Variants in CACNA1A observed in about 807,000 individuals in gnomAD.
CACNA1A encodes the protein voltage-dependent P/Q-type calcium channel subunit alpha-1A.
Under a neutral mutation model 262.4 loss-of-function variants are expected in CACNA1A, and 57 were observed. The ratio of observed to expected loss-of-function variants is 0.22; its 90% confidence interval spans 0.18 to 0.27. The LOEUF (loss-of-function observed/expected upper bound fraction) is 0.27, where lower values mean the gene tolerates loss of function less well. CACNA1A is among the 10% of genes least tolerant of loss of function. CACNA1A has a pLI of 1.00. For synonymous variants in CACNA1A, 1,431 were observed against 1,419.3 expected, an observed-to-expected ratio of 1.01 and a Z score of -0.18; for missense variants, 2,526 against 3,562.8, an observed-to-expected ratio of 0.71 and a Z score of 7.41.
At chr19:13,210,011 G>A (rs1045527737) in intron 44 of CACNA1A, among the ~76,000 whole-genome samples, 5 of 152,122 alleles carry the variant, frequency 3.3e-5, no homozygotes, top group Non-Finnish European at 5.9e-5. Flanking sequence ...CCCGGCTAAC[G>A]GGGCTGTGCT....
rs374974268 is a variant in CACNA1A at position 13,283,218 on chromosome 19, C to T, written c.3822+49G>A. The T allele has an allele frequency of 3.8e-6, 6 of 1,598,244 alleles. No homozygotes were observed. In the African/African-American group the frequency reaches 6.7e-5, roughly 18 times the overall value. The stretch of plus-strand genomic sequence containing the variant: ...CATTTTGGATGCAGGAGAAAGTGGC[C>T]TGAGGCAGAGCAGCCAGGCTAGGAA... On this transcript the variant is annotated intron_variant, in intron 22 of 46. Coordinates refer to ENST00000360228, the MANE Select transcript of CACNA1A (RefSeq NM_001127222.2).
intron 3 of CACNA1A, 79 bp from the exon 4 acceptor site, chr19:13,371,858 C>T: frequency 9.7e-7 from 1 of 1,031,422 alleles, no homozygotes; most frequent in South Asian, 1.4e-5. Flanking sequence ...CTTGGGATTC[C>T]AAGCTGTCCT....
intron 3 of CACNA1A, among the ~76,000 whole-genome samples, chr19:13,398,166 G>A (rs1397551611): frequency 6.6e-6 from 1 of 151,920 alleles, no homozygotes; most frequent in African/African-American, 2.4e-5. Context: ...GGGAGGCTGA[G>A]TCAGGAGAAT....
chr19:13,367,498 C>T (rs530006394), intron 4 of CACNA1A, among the ~76,000 whole-genome samples: 26 of 151,844 alleles, frequency 1.7e-4, no homozygotes, highest in African/African-American at 5.6e-4. Flanking sequence ...GAGGCCGAGG[C>T]GGGCAGATCA....
chr19:13,212,266 A>G lies in CACNA1A; in HGVS notation c.6190-50T>C. 1 of 1,586,594 alleles carries G rather than the reference A, an allele frequency of 6.3e-7. No homozygotes were observed. The highest frequency in any genetic ancestry group is 8.6e-7 in the Non-Finnish European group (1 of 1,156,586). On this transcript the variant is annotated intron_variant, in intron 42 of 46. Transcript: ENST00000360228. This position sits in a 1 kb window ranked among gnomAD's most constrained non-coding sequence, Gnocchi z 5.6. Reference sequence around the variant, plus strand: ...ATGAGCTCTGGGGCCTGACCTCCAGATCCCTGGTGTCTGCAGAGGGAGGGA... The same window carrying G: ...ATGAGCTCTGGGGCCTGACCTCCAGGTCCCTGGTGTCTGCAGAGGGAGGGA...
At chr19:13,302,845 G>A (rs1186936935) in intron 17 of CACNA1A, among the ~76,000 whole-genome samples, 3 of 152,222 alleles carry the variant, frequency 2.0e-5, no homozygotes, top group Non-Finnish European at 2.9e-5. Flanking sequence ...CGTTGGCAAC[G>A]TCTGCTTGGT....
At chr19:13,367,154 G>A (rs1046167733) in intron 4 of CACNA1A, among the ~76,000 whole-genome samples, 8 of 152,122 alleles carry the variant, frequency 5.3e-5, no homozygotes, top group African/African-American at 1.9e-4. Context: ...AATTATCTGG[G>A]CATGGTGGCC....
At position 13,209,406 on chromosome 19, in the gene CACNA1A, C is replaced by T. The variant is rs994526133; in HGVS notation, c.6432G>A (p.Pro2144=). ...GGTGGTGCCGCTGGTTCTCCTCGGG[C>T]GGGACCCGCTCCAGCGAGTAATCGT... ...RLDDYSLERV[P]PEENQRHHQR... Residue 2144 remains proline (P), a synonymous_variant, in exon 45 of 47, where the codon CCG becomes CCA. Transcript: ENST00000360228. 7 of 1,398,526 alleles carry T rather than the reference C, an allele frequency of 5.0e-6. No individual in the cohort carries two copies. Among genetic ancestry groups the T allele is most frequent in the African/African-American group, 3.0e-5 (2 of 67,648 alleles). 86.6% of individuals were successfully genotyped at this position (1,398,526 alleles called of 1,614,324 possible). A position where few individuals can be genotyped will look rare whatever the true frequency, so the allele number is the denominator to read the frequency against.
At chr19:13,474,451 C>G (rs1334058658) in intron 1 of CACNA1A, among the ~76,000 whole-genome samples, 1 of 152,148 alleles carries the variant, frequency 6.6e-6, no homozygotes, top group East Asian at 1.9e-4. Flanking sequence ...TATAAACTCC[C>G]TGGTGGGGTG....
At chr19:13,339,625 C>A (rs1022335091) in intron 6 of CACNA1A, among the ~76,000 whole-genome samples, 11 of 152,062 alleles carry the variant, frequency 7.2e-5, no homozygotes, top group Admixed American at 3.9e-4. Context: ...ATGCTAATTA[C>A]CCTGATCTGA....
intron 3 of CACNA1A, among the ~76,000 whole-genome samples, chr19:13,386,668 C>G (rs1468526822): frequency 6.6e-6 from 1 of 151,960 alleles, no homozygotes; most frequent in East Asian, 2.0e-4. Context: ...TGGCAGGCAC[C>G]TGTAATCCCA....
chr19:13,479,759 AAGAC>A (rs1192795871), intron 1 of CACNA1A, among the ~76,000 whole-genome samples: 2 of 152,242 alleles, frequency 1.3e-5, no homozygotes, highest in East Asian at 1.9e-4. Context: ...GCTGTCCTAA[AAGAC>A]AGACCAACAG....
Position 13,255,137 on chromosome 19 carries a change from G to A in CACNA1A, c.4713C>T (p.Ile1571=). ...TGGTGTTGAGGGCGATCATGGCCAT[G>A]ATCGTGTACTCGAAAGGCGGAGACA... ...FVVSPPFEYT[I]MAMIALNTIV... Residue 1571 remains isoleucine, a synonymous_variant, in exon 29 of 47, where the codon ATC becomes ATT. Transcript: ENST00000360228. 6.2e-7 allele frequency: 1 copy of A among 1,613,940 alleles called. No homozygotes were observed. The highest frequency in any genetic ancestry group is 8.5e-7 in the Non-Finnish European group (1 of 1,179,884).
At chr19:13,221,608 C>T (rs918281004) in intron 38 of CACNA1A, among the ~76,000 whole-genome samples, 7 of 152,040 alleles carry the variant, frequency 4.6e-5, no homozygotes, top group African/African-American at 9.7e-5. Context: ...CATCCCCTTT[C>T]GGGCCTCCGA....
chr19:13,496,361 A>G (rs1161198545), intron 1 of CACNA1A, among the ~76,000 whole-genome samples: 1 of 152,226 alleles, frequency 6.6e-6, no homozygotes, highest in Admixed American at 6.5e-5. Flanking sequence ...TGATGTCTTC[A>G]AAGACGGTGC....
At chr19:13,434,797 T>A (rs2060581694) in intron 3 of CACNA1A, among the ~76,000 whole-genome samples, 1 of 151,930 alleles carries the variant, frequency 6.6e-6, no homozygotes, top group Non-Finnish European at 1.5e-5. Flanking sequence ...TTTATTATTA[T>A]TATTATTATT....
intron 6 of CACNA1A, among the ~76,000 whole-genome samples, chr19:13,340,424 ATT>A (rs34472942): frequency 0.41 from 46,303 of 112,162 alleles, 8,218 homozygotes; most frequent in East Asian, 0.58. Context: ...AGAGAGGTCT[ATT>A]TTTTTTTTTT....
intron 3 of CACNA1A, among the ~76,000 whole-genome samples, chr19:13,380,689 C>T (rs2059507764): frequency 6.7e-6 from 1 of 149,524 alleles, no homozygotes; most frequent in Non-Finnish European, 1.5e-5. Context: ...TTGCTAGTAG[C>T]CACATTAAAA....
At chr19:13,281,694 A>C (rs893113205) in intron 22 of CACNA1A, among the ~76,000 whole-genome samples, 2 of 152,096 alleles carry the variant, frequency 1.3e-5, no homozygotes, top group Non-Finnish European at 2.9e-5. Flanking sequence ...GGGATCGAGG[A>C]GGCACATGCC....
Sources: gnomAD v4.1 joint callset for allele counts (sites outside exome capture counted in the v4.1 genomes callset) on GRCh38, gnomAD v4.1.1 for gene constraint, Gnocchi (gnomAD v3.1) non-coding constraint, MANE v1.5 for transcripts, NCBI Gene and HGNC (gene_info 2026-07-23, HGNC 2026-07-21) for gene names.